The following RXFP1 variants were observed in gnomAD, a reference collection of about 807,000 sequenced individuals.
RXFP1 encodes relaxin receptor 1.
RXFP1 carries 73 observed loss-of-function variants against 89.8 expected under a neutral mutation model. The observed-to-expected ratio is 0.81, with a 90% CI of 0.67 to 0.99. RXFP1 has a LOEUF of 0.99. Ranked by LOEUF, RXFP1 falls within the 50% of genes least tolerant of loss-of-function variation. RXFP1 has a pLI of 0.00. For missense variants in RXFP1, 793 were observed against 895.5 expected, an observed-to-expected ratio of 0.89 and a Z score of 1.46; for synonymous variants, 277 against 305.5, an observed-to-expected ratio of 0.91 and a Z score of 0.97.
In RXFP1 at chr4:158,645,132, C is replaced by G. The variant is rs1276335819; in HGVS notation, c.1339C>G (p.Leu447Val). 1.2e-6 allele frequency: 2 copies of G among 1,608,120 alleles called. No individual in the cohort carries two copies. Among genetic ancestry groups the G allele is most frequent in the Non-Finnish European group, 1.7e-6 (2 of 1,174,682 alleles). Residue 447 changes from leucine to valine, a missense_variant, in exon 15 of 18, where the codon CTC becomes GTC. By Grantham distance (32) the Leu-to-Val change is conservative. Transcript: ENST00000307765. ...GCTGTATGCCATGTCAATCATTTCT[C>G]TCTGCTGTGAGTATTTCCTGGTTAA... is the stretch of plus-strand genomic sequence containing the variant. ...NKLYAMSIIS[L>V]CCADCLMGIY...
At chr4:158,580,796 CT>C (rs1757199716) in intron 2 of RXFP1, among the ~76,000 whole-genome samples, 2 of 152,052 alleles carry the variant, frequency 1.3e-5, no homozygotes, top group African/African-American at 2.4e-5. Context: ...TGCATGACTA[CT>C]TTTTTTATTA....
At chr4:158,649,705 G>T (rs1272381307) in intron 17 of RXFP1, among the ~76,000 whole-genome samples, 2 of 152,212 alleles carry the variant, frequency 1.3e-5, no homozygotes, top group Non-Finnish European at 2.9e-5. Flanking sequence ...AAAAAAATAA[G>T]TGTTGGTAAA....
chr4:158,624,497 C>T (rs1201978754), intron 9 of RXFP1, among the ~76,000 whole-genome samples: 3 of 152,014 alleles, frequency 2.0e-5, no homozygotes, highest in Non-Finnish European at 4.4e-5. Flanking sequence ...TTATCCAATT[C>T]TACCAGGTAT....
chr4:158,611,510 T>A (rs753892108), intron 6 of RXFP1, among the ~76,000 whole-genome samples: 9 of 152,172 alleles, frequency 5.9e-5, no homozygotes, highest in Non-Finnish European at 1.3e-4. Flanking sequence ...TGAGGCCCCA[T>A]TGAATTACCT....
intron 1 of RXFP1, among the ~76,000 whole-genome samples, chr4:158,568,559 G>C (rs972098269): frequency 6.6e-6 from 1 of 152,106 alleles, no homozygotes; most frequent in Non-Finnish European, 1.5e-5. Flanking sequence ...TGGTTTATTT[G>C]TATGCTTGAG....
rs527491225 is a variant in RXFP1 at position 158,595,193 on chromosome 4, C to T, written c.286+1694C>T. 2.8e-4 allele frequency among the ~76,000 whole-genome samples: 42 copies of T among 152,276 alleles called. No individual in the cohort carries two copies. The South Asian group carries it at 8.3e-3, about 30-fold the overall frequency. On this transcript the variant is annotated intron_variant, in intron 3 of 17. Transcript: ENST00000307765. ...TATTCAATTCTCTTACTCATCATCA[C>T]GTTTTCTATTCTCTCCGTTTTGTAC...
At chr4:158,536,007 G>A (rs1321862585) in intron 1 of RXFP1, among the ~76,000 whole-genome samples, 2 of 152,104 alleles carry the variant, frequency 1.3e-5, no homozygotes, top group Admixed American at 6.5e-5. Flanking sequence ...GACAATAGAT[G>A]GACAAAGTGC....
In RXFP1 at chr4:158,639,331, TGTAA is replaced by T; in HGVS notation, c.1115+4_1115+7del. On this transcript the variant is annotated splice_donor_variant and splice_donor_region_variant and intron_variant, in intron 14 of 17. Coordinates refer to ENST00000307765, the MANE Select transcript of RXFP1 (RefSeq NM_021634.4). LOFTEE classifies it high-confidence loss of function. Reference sequence around the variant, plus strand: ...AGACCTCTTATGAATCTCTCTCACATGTAAGTAGATATTTTATTGTTTTTCACTG... The same window carrying T: ...AGACCTCTTATGAATCTCTCTCACATGTAGATATTTTATTGTTTTTCACTG... 1 of 1,463,160 alleles carries T rather than the reference TGTAA, an allele frequency of 6.8e-7. No homozygotes were observed. The highest frequency in any genetic ancestry group is 9.6e-7 in the Non-Finnish European group (1 of 1,044,386). 90.6% of individuals were successfully genotyped at this position (1,463,160 alleles called of 1,614,324 possible). A position where few individuals can be genotyped will look rare whatever the true frequency, so the allele number is the denominator to read the frequency against.
At chr4:158,615,361 A>G (rs1052967962) in intron 8 of RXFP1, among the ~76,000 whole-genome samples, 4 of 151,702 alleles carry the variant, frequency 2.6e-5, no homozygotes, top group African/African-American at 9.7e-5. Context: ...ACATGCTGAA[A>G]CTCCATCTCT....
intron 2 of RXFP1, among the ~76,000 whole-genome samples, chr4:158,575,760 G>A (rs1039032210): frequency 2.0e-5 from 3 of 152,198 alleles, no homozygotes; most frequent in Non-Finnish European, 4.4e-5. Context: ...CCCAATCTAT[G>A]ATACTTAGTT....
chr4:158,542,109 A>ATTTT (rs56032847), intron 1 of RXFP1, among the ~76,000 whole-genome samples: 448 of 35,056 alleles, frequency 0.013, 39 homozygotes, highest in African/African-American at 0.026. Context: ...ATATATATAT[A>ATTTT]TTTTTTTTTT....
intron 1 of RXFP1, among the ~76,000 whole-genome samples, chr4:158,542,109 A>ATATATATTTTTTTTTT: frequency 5.7e-5 from 2 of 35,242 alleles, no homozygotes; most frequent in African/African-American, 1.9e-4. Context: ...ATATATATAT[A>ATATATATTTTTTTTTT]TTTTTTTTTT....
Position 158,575,994 on chromosome 4 carries a change from G to T in RXFP1, c.187+3159G>T, listed in dbSNP as rs527452541. Among the ~76,000 whole-genome samples the T allele has an allele frequency of 2.1e-4, 32 of 152,190 alleles. 1 individual carries two copies. The South Asian group carries it at 6.4e-3, about 31-fold the overall frequency. On this transcript the variant is annotated intron_variant, in intron 2 of 17. Coordinates refer to ENST00000307765, the MANE Select transcript of RXFP1 (RefSeq NM_021634.4). ...TTCTCAAGCACCTGCAGTCATCTGT[G>T]GATCAGCTATGCCATGATGCCTGGG...
chr4:158,639,437 A>C, intron 14 of RXFP1, 106 bp downstream of exon 14: 1 of 683,044 alleles, frequency 1.5e-6, no homozygotes, highest in South Asian at 1.8e-5. Context: ...TTTGCCAGCT[A>C]TAAACTGAAA....
At chr4:158,550,153 A>C (rs1749721201) in intron 1 of RXFP1, among the ~76,000 whole-genome samples, 1 of 152,182 alleles carries the variant, frequency 6.6e-6, no homozygotes, top group Non-Finnish European at 1.5e-5. Context: ...GGGCAATGGC[A>C]GGAGGCCCTC....
At position 158,647,150 on chromosome 4, in the gene RXFP1, G is replaced by C; in HGVS notation, c.1705G>C (p.Glu569Gln). ...TGGAGTATGCTTCCCTCTTCATTCAGAAGATACAGAAAGTATTGGAGCCCA... is the reference window on the plus strand; with the variant it reads ...TGGAGTATGCTTCCCTCTTCATTCACAAGATACAGAAAGTATTGGAGCCCA... ...TNGVCFPLHS[E>Q]DTESIGAQIY... Residue 569 changes from glutamate to glutamine, a missense_variant, in exon 16 of 18, where the codon GAA becomes CAA. By Grantham distance (29) the Glu-to-Gln change is conservative. Coordinates refer to ENST00000307765, the MANE Select transcript of RXFP1 (RefSeq NM_021634.4). 6.2e-7 allele frequency: 1 copy of C among 1,611,556 alleles called. No individual in the cohort carries two copies. Among genetic ancestry groups the C allele is most frequent in the Non-Finnish European group, 8.5e-7 (1 of 1,179,138 alleles).
At chr4:158,553,726 G>A (rs1393082609) in intron 1 of RXFP1, among the ~76,000 whole-genome samples, 1 of 152,136 alleles carries the variant, frequency 6.6e-6, no homozygotes, top group African/African-American at 2.4e-5. Context: ...TAGGGGGAAA[G>A]GGATTCTAGT....
At chr4:158,542,107 ATATTTT>A (rs1483265867) in intron 1 of RXFP1, among the ~76,000 whole-genome samples, 2 of 28,220 alleles carry the variant, frequency 7.1e-5, no homozygotes, top group African/African-American at 2.6e-4. Flanking sequence ...ATATATATAT[ATATTTT>A]TTTTTTAGTA....
At chr4:158,579,033 T>A (rs1481502798) in intron 2 of RXFP1, among the ~76,000 whole-genome samples, 1 of 146,944 alleles carries the variant, frequency 6.8e-6, no homozygotes, top group African/African-American at 2.5e-5. Flanking sequence ...AATGACAGTG[T>A]CCTCGCAAGA....
Sources: gnomAD v4.1 joint callset for allele counts (sites outside exome capture counted in the v4.1 genomes callset) on GRCh38, gnomAD v4.1.1 for gene constraint, MANE v1.5 for transcripts, NCBI Gene and HGNC (gene_info 2026-07-23, HGNC 2026-07-21) for gene names.